Variants in CHST8 observed in about 807,000 individuals in gnomAD.
The protein encoded by CHST8 is carbohydrate sulfotransferase 8.
In CHST8, 10 loss-of-function variants were observed where a neutral mutation model predicts 15.0. That is an observed-to-expected ratio of 0.67 (90% CI 0.41 to 1.13). The LOEUF is 1.13. Ranked by LOEUF, CHST8 falls within the 50% of genes most tolerant of loss-of-function variation. The pLI, the probability that CHST8 is intolerant of heterozygous loss-of-function variation, is 0.00. For synonymous variants in CHST8, 259 were observed against 256.6 expected, an observed-to-expected ratio of 1.01 and a Z score of -0.09; for missense variants, 634 against 608.2, an observed-to-expected ratio of 1.04 and a Z score of -0.45.
intron 3 of CHST8, among the ~76,000 whole-genome samples, chr19:33,736,880 C>T (rs1051563510): frequency 6.6e-6 from 1 of 152,080 alleles, no homozygotes. Flanking sequence ...TCCCAGGACC[C>T]TGATGAAAAA....
intron 3 of CHST8, among the ~76,000 whole-genome samples, chr19:33,757,490 GAAAGA>G: frequency 2.2e-5 from 1 of 45,800 alleles, no homozygotes; most frequent in African/African-American, 9.3e-5. Context: ...AAGAAAGAAA[GAAAGA>G]AAGAAAGAAA....
intron 3 of CHST8, among the ~76,000 whole-genome samples, chr19:33,722,264 T>C (rs1485459230): frequency 1.4e-5 from 2 of 148,092 alleles, no homozygotes; most frequent in Admixed American, 1.3e-4. Context: ...GAGGGAGTGA[T>C]AGATGAATGG....
At chr19:33,640,906 C>T (rs568750792) in intron 1 of CHST8, among the ~76,000 whole-genome samples, 2 of 152,080 alleles carry the variant, frequency 1.3e-5, no homozygotes, top group African/African-American at 2.4e-5. Flanking sequence ...CTCCCAGGGG[C>T]GCCCCGGGAT....
At chr19:33,682,347 G>A (rs976104093) in intron 2 of CHST8, among the ~76,000 whole-genome samples, 2 of 151,890 alleles carry the variant, frequency 1.3e-5, no homozygotes, top group Admixed American at 6.6e-5. Flanking sequence ...GCTAATTTTT[G>A]TAATTTTAGT....
intron 1 of CHST8, among the ~76,000 whole-genome samples, chr19:33,637,177 T>A (rs1267513015): frequency 1.3e-5 from 2 of 152,164 alleles, no homozygotes; most frequent in Non-Finnish European, 2.9e-5. Flanking sequence ...TTGGCTGGCT[T>A]CTTTACTGCA....
intron 3 of CHST8, among the ~76,000 whole-genome samples, chr19:33,761,003 GC>G (rs1974714600): frequency 6.6e-6 from 1 of 152,236 alleles, no homozygotes; most frequent in African/African-American, 2.4e-5. Context: ...ATACATGGGG[GC>G]AGATGGCAGG....
At chr19:33,636,090 G>T in intron 1 of CHST8, among the ~76,000 whole-genome samples, 1 of 94,012 alleles carries the variant, frequency 1.1e-5, no homozygotes. Context: ...GTTTATCAAA[G>T]TTAAAAAAAA....
intron 1 of CHST8, among the ~76,000 whole-genome samples, chr19:33,653,956 G>A (rs942382638): frequency 1.3e-5 from 2 of 152,096 alleles, no homozygotes; most frequent in African/African-American, 4.8e-5. Flanking sequence ...TTTAGTCCCT[G>A]GGGATGCATT....
intron 1 of CHST8, among the ~76,000 whole-genome samples, chr19:33,637,441 C>T (rs1972220071): frequency 6.8e-6 from 1 of 147,994 alleles, no homozygotes; most frequent in East Asian, 2.0e-4. Context: ...CTCGCTCTGT[C>T]ACCCAGGCTG....
chr19:33,632,453 CCAAATCATTTTTTTCTAAG>C (rs1313034641), intron 1 of CHST8, among the ~76,000 whole-genome samples: 1 of 152,104 alleles, frequency 6.6e-6, no homozygotes, highest in Non-Finnish European at 1.5e-5. Context: ...CCACACCCAG[CCAAATCATTTTTTTCTAAG>C]CAGTTTGCTA....
intron 2 of CHST8, chr19:33,684,920 G>C (rs1334680782): frequency 6.6e-6 from 1 of 152,290 alleles, no homozygotes; most frequent in Non-Finnish European, 1.5e-5. Flanking sequence ...CCAACAAGCA[G>C]CTTCTCCGGG....
At chr19:33,730,108 G>A (rs1282262698) in intron 3 of CHST8, among the ~76,000 whole-genome samples, 2 of 152,160 alleles carry the variant, frequency 1.3e-5, no homozygotes, top group Non-Finnish European at 2.9e-5. Flanking sequence ...TCAAGACTTA[G>A]TGCCATGTGA....
chr19:33,714,790 CTT>C lies in CHST8; in HGVS notation c.130+25400_130+25401del, dbSNP rs1240828542. Among the ~76,000 whole-genome samples the C allele has an allele frequency of 2.6e-5, 4 of 152,210 alleles. No homozygotes were observed. In the East Asian group the frequency reaches 7.7e-4, roughly 29 times the overall value. ...GGGGAATTTCCCACACAGTCTCTCT[CTT>C]CTCTTGTTTGCTGCCATGTGAGACA... is the stretch of plus-strand genomic sequence containing the variant. On this transcript the variant is annotated intron_variant, in intron 3 of 4. Coordinates refer to ENST00000650847, the MANE Select transcript of CHST8 (RefSeq NM_001127895.2).
rs1026840923 is a variant in CHST8 at position 33,773,258 on chromosome 19, T to C, written c.*195T>C. 1.5e-5 allele frequency: 9 copies of C among 620,106 alleles called. No individual in the cohort carries two copies. In the African/African-American group the frequency reaches 1.7e-4, roughly 11 times the overall value. 38.4% of individuals were successfully genotyped at this position (620,106 alleles called of 1,614,324 possible). On this transcript the variant is annotated 3_prime_UTR_variant, in exon 5 of 5. Transcript: ENST00000650847. ...TGGATGGGGACCCCAGCCCCTGGCC[T>C]GTACCTGTTTCCTCATTCCTTGGCT... is the stretch of plus-strand genomic sequence containing the variant.
chr19:33,676,605 A>G (rs1972812621), intron 2 of CHST8, among the ~76,000 whole-genome samples: 1 of 151,912 alleles, frequency 6.6e-6, no homozygotes, highest in Non-Finnish European at 1.5e-5. Context: ...CCCCGGTGTG[A>G]TGGCTTACGC....
rs111717914 is a variant in CHST8 at position 33,743,385 on chromosome 19, C to T, written c.131-28028C>T. 8.4e-3 allele frequency among the ~76,000 whole-genome samples: 1,261 copies of T among 150,654 alleles called. 20 individuals carry two copies. Among genetic ancestry groups the T allele is most frequent in the African/African-American group, 0.03 (1,219 of 41,022 alleles). On this transcript the variant is annotated intron_variant, in intron 3 of 4. Transcript: ENST00000650847. ...CGCGATCTCGGCTCACTGCAGGCTC[C>T]GCCCCCCGGGGGTTCATGCCATTCT...
intron 2 of CHST8, among the ~76,000 whole-genome samples, chr19:33,672,037 A>C (rs1005921785): frequency 6.6e-6 from 1 of 152,048 alleles, no homozygotes. Flanking sequence ...GTATGTATAT[A>C]TATGTGTGTG....
At chr19:33,771,034 C>T (rs931697716) in intron 3 of CHST8, among the ~76,000 whole-genome samples, 2 of 152,074 alleles carry the variant, frequency 1.3e-5, no homozygotes, top group Non-Finnish European at 2.9e-5. Flanking sequence ...AGGGTCCTTT[C>T]CCTGTGACTT....
chr19:33,649,022 G>GCCAC (rs976771505), intron 1 of CHST8, among the ~76,000 whole-genome samples: 1 of 146,868 alleles, frequency 6.8e-6, no homozygotes, highest in African/African-American at 2.5e-5. Context: ...TCCTGCCTCA[G>GCCAC]CCACCCGAGT....
Sources: allele counts gnomAD v4.1 joint callset (sites outside exome capture counted in the v4.1 genomes callset), GRCh38; gene constraint gnomAD v4.1.1; transcripts MANE v1.5; gene names NCBI Gene and HGNC (gene_info 2026-07-23, HGNC 2026-07-21).